NKAIN1: variants seen among roughly 807,000 people sequenced by gnomAD.
NKAIN1 encodes the protein sodium/potassium transporting ATPase interacting 1.
NKAIN1 carries 13 observed loss-of-function variants against 31.6 expected under a neutral mutation model. That is an observed-to-expected ratio of 0.41 (90% CI 0.27 to 0.65). The LOEUF (loss-of-function observed/expected upper bound fraction) is 0.65, where lower values mean the gene tolerates loss of function less well. Among genes scored for constraint, NKAIN1 ranks in the 30% least tolerant of loss-of-function variants. NKAIN1 has a pLI of 0.30. For missense variants in NKAIN1, 193 were observed against 262.2 expected (o/e 0.74, Z 1.82); for synonymous variants, 104 against 109.0 (o/e 0.95, Z 0.28).
intron 1 of NKAIN1, among the ~76,000 whole-genome samples, chr1:31,224,213 C>T (rs768815428): frequency 6.6e-6 from 1 of 152,128 alleles, no homozygotes; most frequent in Non-Finnish European, 1.5e-5. Context: ...CTCTGAGAGC[C>T]GATGATAGGA....
chr1:31,187,265 C>T (rs1396170694), intron 2 of NKAIN1, among the ~76,000 whole-genome samples: 1 of 152,106 alleles, frequency 6.6e-6, no homozygotes, highest in African/African-American at 2.4e-5. Context: ...AAGCCTTTTC[C>T]CTCAAGAGAG....
intron 1 of NKAIN1, among the ~76,000 whole-genome samples, chr1:31,191,398 AG>A (rs1243047007): frequency 8.5e-6 from 1 of 117,490 alleles, no homozygotes; most frequent in African/African-American, 2.8e-5. Flanking sequence ...AAACAGAGAG[AG>A]GTTTTTTTTT....
At chr1:31,234,482 C>G (rs1228664564) in intron 1 of NKAIN1, among the ~76,000 whole-genome samples, 1 of 142,894 alleles carries the variant, frequency 7.0e-6, no homozygotes, top group Non-Finnish European at 1.5e-5. Flanking sequence ...AAAGAGCTTT[C>G]TAGAAGGGAA....
chr1:31,230,477 T>C (rs1265731683), intron 1 of NKAIN1, among the ~76,000 whole-genome samples: 2 of 152,160 alleles, frequency 1.3e-5, no homozygotes, highest in Non-Finnish European at 2.9e-5. Flanking sequence ...AGGAGGCCAA[T>C]GTAAATCAGG....
chr1:31,217,019 C>T (rs909792830), intron 1 of NKAIN1, among the ~76,000 whole-genome samples: 1 of 152,234 alleles, frequency 6.6e-6, no homozygotes, highest in Non-Finnish European at 1.5e-5. Context: ...GCGTGTGCCA[C>T]CACGCCCAGG....
chr1:31,181,906 G>A lies in NKAIN1; in HGVS notation c.568C>T (p.Gln190Ter). Residue 190 changes from glutamine to a stop codon, truncating the protein, a stop_gained, in exon 6 of 7, where the codon CAG becomes TAG. Coordinates refer to ENST00000373736, the MANE Select transcript of NKAIN1 (RefSeq NM_024522.3). LOFTEE classifies it high-confidence loss of function. ...FIGGFDSYGY[Q>*]APQKTSHLQL... is the part of the protein sequence containing the mutation. Reference sequence around the variant, plus strand: ...AAATGCGACGTCTTCTGGGGCGCCTGGTATCCGTAGGAGTCAAAGCCGCCG... The same window carrying A: ...AAATGCGACGTCTTCTGGGGCGCCTAGTATCCGTAGGAGTCAAAGCCGCCG... 1 of 1,607,724 alleles carries A rather than the reference G, an allele frequency of 6.2e-7. No homozygotes were observed. Among genetic ancestry groups the A allele is most frequent in the Non-Finnish European group, 8.5e-7 (1 of 1,177,894 alleles).
At chr1:31,184,686 C>T (rs985629615) in intron 3 of NKAIN1, among the ~76,000 whole-genome samples, 1 of 152,084 alleles carries the variant, frequency 6.6e-6, no homozygotes, top group Non-Finnish European at 1.5e-5. Flanking sequence ...AACTACAAAG[C>T]CAATGCTCTT....
rs75170873 is a variant in NKAIN1, at chr1:31,211,067, A to C, written c.55-22880T>G. 3.9e-3 allele frequency among the ~76,000 whole-genome samples: 590 copies of C among 152,342 alleles called. 3 individuals are homozygous for C. The highest frequency in any genetic ancestry group is 0.013 in the African/African-American group (550 of 41,578). On this transcript the variant is annotated intron_variant, in intron 1 of 6. Transcript: ENST00000373736. ...CCGACATCATACTTAACGGTAAAAG[A>C]CTGAAAGCTTTCCCCCTAAGATCAG... is the stretch of plus-strand genomic sequence containing the variant.
At chr1:31,195,892 CA>C (rs35343235) in intron 1 of NKAIN1, among the ~76,000 whole-genome samples, 211 of 118,120 alleles carry the variant, frequency 1.8e-3, no homozygotes, top group Non-Finnish European at 1.9e-3. Context: ...CTACCTGTCT[CA>C]AAAAAAAAAA....
At chr1:31,189,196 TGC>T (rs1645267846) in intron 1 of NKAIN1, among the ~76,000 whole-genome samples, 1 of 152,102 alleles carries the variant, frequency 6.6e-6, no homozygotes, top group Non-Finnish European at 1.5e-5. Flanking sequence ...AGCGAGGCCA[TGC>T]TAGATCACCC....
chr1:31,203,278 A>C (rs1410082781), intron 1 of NKAIN1, among the ~76,000 whole-genome samples: 1 of 152,176 alleles, frequency 6.6e-6, no homozygotes, highest in Non-Finnish European at 1.5e-5. Flanking sequence ...AAAATAAAAA[A>C]TAAAATAAAA....
At position 31,205,613 on chromosome 1, in the gene NKAIN1, G is replaced by GTTTT. The variant is rs761138403; in HGVS notation, c.55-17430_55-17427dup. Among the ~76,000 whole-genome samples, 759 of 96,450 alleles carry GTTTT rather than the reference G, an allele frequency of 7.9e-3. 13 individuals are homozygous for GTTTT. The highest frequency in any genetic ancestry group is 0.012 in the Non-Finnish European group (610 of 51,898). 63.3% of individuals were successfully genotyped at this position (96,450 alleles called of 152,430 possible). ...TGAGCAACCACGCCCAGCCGGACAA[G>GTTTT]TTTTTTTTTTTTTTTTTTTTTTGAG... On this transcript the variant is annotated intron_variant, in intron 1 of 6. Transcript: ENST00000373736.
chr1:31,230,210 C>T (rs545023042), intron 1 of NKAIN1, among the ~76,000 whole-genome samples: 69 of 152,304 alleles, frequency 4.5e-4, no homozygotes, highest in African/African-American at 1.6e-3. Context: ...AGTGTACCCC[C>T]TTTGTGAGCT....
chr1:31,188,993 A>G (rs1645265325), intron 1 of NKAIN1, among the ~76,000 whole-genome samples: 2 of 151,508 alleles, frequency 1.3e-5, no homozygotes, highest in Admixed American at 1.3e-4. Flanking sequence ...AGCCTGGGCG[A>G]CAGAGTGAGA....
At chr1:31,184,693 T>G (rs536513908) in intron 3 of NKAIN1, among the ~76,000 whole-genome samples, 1 of 152,258 alleles carries the variant, frequency 6.6e-6, no homozygotes, top group East Asian at 1.9e-4. Context: ...AAGCCAATGC[T>G]CTTAAATTCA....
Position 31,218,038 on chromosome 1 carries a change from TTCTTTC to T in NKAIN1, c.54+21450_54+21455del, listed in dbSNP as rs774890425. On this transcript the variant is annotated intron_variant, in intron 1 of 6. Transcript: ENST00000373736. ...CCATTTTCTTTCTTTCTTTCTTTCT[TTCTTTC>T]TTTCTTTCTTTCTTTCTTTCTTTCT... Among the ~76,000 whole-genome samples the T allele has an allele frequency of 5.2e-3, 513 of 99,320 alleles. 3 individuals are homozygous for T. The highest frequency in any genetic ancestry group is 0.014 in the African/African-American group (323 of 22,374). The allele number at this position is 99,320 out of a possible 152,430, so 65.2% of individuals were successfully genotyped here. A position where few individuals can be genotyped will look rare whatever the true frequency, so the allele number is the denominator to read the frequency against.
At chr1:31,225,325 C>CTTTTTTTTTT (rs139451212) in intron 1 of NKAIN1, among the ~76,000 whole-genome samples, 1 of 52,154 alleles carries the variant, frequency 1.9e-5, no homozygotes, top group Non-Finnish European at 3.5e-5. Flanking sequence ...CATGCCCGGC[C>CTTTTTTTTTT]TTTTTTTTTT....
chr1:31,224,447 A>C (rs1016291201), intron 1 of NKAIN1, among the ~76,000 whole-genome samples: 1 of 152,192 alleles, frequency 6.6e-6, no homozygotes, highest in Non-Finnish European at 1.5e-5. Flanking sequence ...ATCCCAATCA[A>C]GCCATCCTAA....
chr1:31,239,484 C>A lies in NKAIN1; in HGVS notation c.54+10G>T. The A allele has an allele frequency of 6.9e-7, 1 of 1,440,698 alleles. No homozygotes were observed. Among genetic ancestry groups the A allele is most frequent in the Non-Finnish European group, 9.1e-7 (1 of 1,101,556 alleles). The allele number at this position is 1,440,698 out of a possible 1,614,324, so 89.2% of individuals were successfully genotyped here. On this transcript the variant is annotated intron_variant, in intron 1 of 6. Coordinates refer to ENST00000373736, the MANE Select transcript of NKAIN1 (RefSeq NM_024522.3). The surrounding 1 kb of genome is among the most constrained non-coding windows in gnomAD (Gnocchi z 4.8). ...ACCCTGCCCCGACTGCCTGGGCACG[C>A]GACGCTTACCAGCTGCAGGCAGCAG...
Sources: gnomAD v4.1 joint callset for allele counts (sites outside exome capture counted in the v4.1 genomes callset) on GRCh38, gnomAD v4.1.1 for gene constraint, Gnocchi (gnomAD v3.1) non-coding constraint, MANE v1.5 for transcripts, NCBI Gene and HGNC (gene_info 2026-07-23, HGNC 2026-07-21) for gene names.